Variants in TGIF1 observed in about 807,000 individuals in gnomAD.
TGIF1 encodes the protein homeobox protein TGIF1.
Under a neutral mutation model 19.3 loss-of-function variants are expected in TGIF1, and 4 were observed. That is an observed-to-expected ratio of 0.21 (90% CI 0.10 to 0.47). The LOEUF (loss-of-function observed/expected upper bound fraction) is 0.47, where lower values mean the gene tolerates loss of function less well. Ranked by LOEUF, TGIF1 falls within the 20% of genes least tolerant of loss-of-function variation. The pLI is 0.98. For synonymous variants in TGIF1, 122 were observed against 129.3 expected, an observed-to-expected ratio of 0.94 and a Z score of 0.38; for missense variants, 275 against 341.4, an observed-to-expected ratio of 0.81 and a Z score of 1.53.
chr18:3,449,941 G>A (rs1437936820), upstream of TGIF1: 1 of 986,382 alleles, frequency 1.0e-6, no homozygotes, highest in African/African-American at 1.7e-5. Flanking sequence ...CGAGGGATGC[G>A]GGCGGTCCGT....
intron 2 of TGIF1, among the ~76,000 whole-genome samples, chr18:3,440,371 A>G (rs1196615478): frequency 6.6e-6 from 1 of 151,900 alleles, no homozygotes; most frequent in Non-Finnish European, 1.5e-5. Flanking sequence ...AAAAAAAATT[A>G]CCTGCATTAG....
rs1367048699 is a variant in TGIF1, at chr18:3,422,690, T to G, written c.-45+4475T>G. 3.1e-4 allele frequency among the ~76,000 whole-genome samples: 43 copies of G among 137,810 alleles called. 2 individuals are homozygous for G. Among genetic ancestry groups the G allele is most frequent in the African/African-American group, 5.8e-4 (22 of 37,734 alleles). The allele number at this position is 137,810 out of a possible 152,430, so 90.4% of individuals were successfully genotyped here. On this transcript the variant is annotated intron_variant, in intron 2 of 3. Coordinates refer to the TGIF1 transcript ENST00000401449. ...TAGGTGGCCTTTTTTTTTTTTTTTTTTTTTTTTTTTTTTTTTTTGAGACAG... is the reference window on the plus strand; with the variant it reads ...TAGGTGGCCTTTTTTTTTTTTTTTTGTTTTTTTTTTTTTTTTTTGAGACAG...
intron 2 of TGIF1, among the ~76,000 whole-genome samples, chr18:3,421,759 T>TA (rs60397825): frequency 0.73 from 110,538 of 151,324 alleles, 40,633 homozygotes; most frequent in Admixed American, 0.78. Flanking sequence ...TTCTGTTTAA[T>TA]AAAAAAATTA....
At chr18:3,422,609 A>T (rs534777186) in intron 2 of TGIF1, among the ~76,000 whole-genome samples, 1 of 149,206 alleles carries the variant, frequency 6.7e-6, no homozygotes, top group South Asian at 2.1e-4. Context: ...TCACTCACCG[A>T]CTCACTGAAA....
intron 2 of TGIF1, among the ~76,000 whole-genome samples, chr18:3,428,755 T>A (rs1415317756): frequency 6.6e-6 from 1 of 151,296 alleles, no homozygotes; most frequent in African/African-American, 2.4e-5. Flanking sequence ...AAATGTTATT[T>A]TATAGGTCAG....
chr18:3,455,811 G>A (rs531978312), intron 1 of TGIF1: 6 of 175,756 alleles, frequency 3.4e-5, no homozygotes, highest in Admixed American at 1.1e-4. Flanking sequence ...TGGGTTCAGC[G>A]TAGTATGTAA....
At chr18:3,424,747 A>G (rs1374203342) in intron 2 of TGIF1, among the ~76,000 whole-genome samples, 3 of 152,154 alleles carry the variant, frequency 2.0e-5, no homozygotes, top group African/African-American at 7.2e-5. Flanking sequence ...TGCCTACTTA[A>G]TGACCCCTCC....
At chr18:3,452,842 C>T (rs757396229) in intron 1 of TGIF1, among the ~76,000 whole-genome samples, 2 of 152,180 alleles carry the variant, frequency 1.3e-5, no homozygotes, top group Non-Finnish European at 2.9e-5. Flanking sequence ...CAGCTCCATT[C>T]CTGAGCCCGG....
At position 3,456,223 on chromosome 18, in the gene TGIF1, AAC is replaced by A; in HGVS notation, c.17-128_17-127del. The A allele has an allele frequency of 1.1e-6, 1 of 932,560 alleles. No homozygotes were observed. 57.8% of individuals were successfully genotyped at this position (932,560 alleles called of 1,614,324 possible). On this transcript the variant is annotated intron_variant, in intron 1 of 2. Transcript: ENST00000343820. This position sits in a 1 kb window ranked among gnomAD's most constrained non-coding sequence, Gnocchi z 4.2. ...CTTGGACCCTGAATTCAGGACAGAA[AAC>A]ACTGCTCCTTCTCCTCGCTCTCAGT...
chr18:3,449,396 G>A (rs532196183), upstream of TGIF1: 1 of 985,470 alleles, frequency 1.0e-6, no homozygotes, highest in East Asian at 1.1e-4. Context: ...GCCGTCCCCG[G>A]GCAGAGACGT....
chr18:3,447,217 G>T (rs1374847108), upstream of TGIF1, among the ~76,000 whole-genome samples: 1 of 151,908 alleles, frequency 6.6e-6, no homozygotes, highest in Non-Finnish European at 1.5e-5. Flanking sequence ...GGTGAAAAAC[G>T]TTTATCAGTA....
intron 1 of TGIF1, chr18:3,452,067 T>C: frequency 6.2e-7 from 1 of 1,613,964 alleles, no homozygotes; most frequent in Non-Finnish European, 8.5e-7. Flanking sequence ...TTCCTTTCCA[T>C]GGCCCGCCTC....
Position 3,457,332 on chromosome 18 carries a change from G to A in TGIF1, c.244-33G>A, listed in dbSNP as rs753431807. On this transcript the variant is annotated intron_variant, in intron 2 of 2. Coordinates refer to ENST00000343820, the MANE Select transcript of TGIF1 (RefSeq NM_003244.4). This position sits in a 1 kb window ranked among gnomAD's most constrained non-coding sequence, Gnocchi z 4.9. ...CAGAACCCGTTGGCTGAGTGAATGAGGAAAATGTTAAAGCGTACCGATATG... is the reference window on the plus strand; with the variant it reads ...CAGAACCCGTTGGCTGAGTGAATGAAGAAAATGTTAAAGCGTACCGATATG... 4 of 1,611,816 alleles carry A rather than the reference G, an allele frequency of 2.5e-6. No individual in the cohort carries two copies. The highest frequency in any genetic ancestry group is 2.5e-6 in the Non-Finnish European group (3 of 1,178,430).
chr18:3,441,252 A>G (rs1164292775), intron 2 of TGIF1, among the ~76,000 whole-genome samples: 1 of 152,214 alleles, frequency 6.6e-6, no homozygotes, highest in Admixed American at 6.5e-5. Context: ...AAAATTTTAT[A>G]CAATTTTTCC....
rs73938489 is a variant in TGIF1 at position 3,437,693 on chromosome 18, G to A, written c.-44-18661G>A. ...GCTGGGGGTGGTGGTTCAAAGAGAT[G>A]CTTCTTGGAAACTCAGCAAAATGAT... On this transcript the variant is annotated intron_variant, in intron 2 of 3. Coordinates refer to the TGIF1 transcript ENST00000401449. Among the ~76,000 whole-genome samples, 493 of 152,324 alleles carry A rather than the reference G, an allele frequency of 3.2e-3. 7 individuals carry two copies. Among genetic ancestry groups the A allele is most frequent in the African/African-American group, 0.011 (450 of 41,568 alleles).
At chr18:3,438,742 T>A (rs375792031) in intron 2 of TGIF1, among the ~76,000 whole-genome samples, 1 of 152,048 alleles carries the variant, frequency 6.6e-6, no homozygotes. Context: ...TGAACATGTT[T>A]CCTGAACCAA....
chr18:3,444,244 G>A (rs1409051600), intron 2 of TGIF1, among the ~76,000 whole-genome samples: 11 of 144,380 alleles, frequency 7.6e-5, no homozygotes, highest in Non-Finnish European at 1.7e-4. Flanking sequence ...CACCCGGCCT[G>A]TATTCTTATT....
rs573784202 is a variant in TGIF1 at position 3,458,774 on chromosome 18, AAAC to A, written c.*838_*840del. The A allele has an allele frequency of 1.4e-4, 21 of 152,376 alleles. No individual in the cohort carries two copies. The highest frequency in any genetic ancestry group is 1.0e-3 in the South Asian group (5 of 4,832). The allele number at this position is 152,376 out of a possible 1,614,324, so 9.4% of individuals were successfully genotyped here. A position where few individuals can be genotyped will look rare whatever the true frequency, so the allele number is the denominator to read the frequency against. The stretch of plus-strand genomic sequence containing the variant: ...CGGTTATTGCTGAGTTTTCAGAAGA[AAAC>A]AACGCAAGCAATCTCTTGCCCTTTT... On this transcript the variant is annotated 3_prime_UTR_variant, in exon 3 of 3. Transcript: ENST00000343820.
chr18:3,432,144 AC>A (rs1568034995), intron 2 of TGIF1, among the ~76,000 whole-genome samples: 2 of 138,498 alleles, frequency 1.4e-5, no homozygotes, highest in Non-Finnish European at 1.5e-5. Flanking sequence ...AAAAAAAAAA[AC>A]ACTAAGAAAG....
Sources: allele counts gnomAD v4.1 joint callset (sites outside exome capture counted in the v4.1 genomes callset), GRCh38; gene constraint gnomAD v4.1.1; non-coding constraint Gnocchi (gnomAD v3.1); transcripts MANE v1.5; gene names NCBI Gene and HGNC (gene_info 2026-07-23, HGNC 2026-07-21).